RAB44: variants seen among roughly 807,000 people sequenced by gnomAD.
The protein encoded by RAB44 is ras-related protein Rab-44.
In RAB44, 67 loss-of-function variants were observed where a neutral mutation model predicts 93.3. That is an observed-to-expected ratio of 0.72 (90% CI 0.59 to 0.88). The LOEUF is 0.88. Among genes scored for constraint, RAB44 ranks in the 40% least tolerant of loss-of-function variants. RAB44 has a pLI of 0.00. For synonymous variants in RAB44, 427 were observed against 520.3 expected, an observed-to-expected ratio of 0.82 and a Z score of 2.44; for missense variants, 1,064 against 1,261.7, an observed-to-expected ratio of 0.84 and a Z score of 2.37.
chr6:36,713,191 A>T (rs1041380171), intron 2 of RAB44, among the ~76,000 whole-genome samples: 7 of 152,156 alleles, frequency 4.6e-5, no homozygotes, highest in Non-Finnish European at 1.0e-4. Context: ...TAACTCATTG[A>T]CTTTTTTATT....
intron 13 of RAB44, 23 bp downstream of exon 13, chr6:36,730,772 C>G: frequency 9.3e-7 from 1 of 1,072,930 alleles, no homozygotes; most frequent in Non-Finnish European, 1.2e-6. Flanking sequence ...CGCCCCCCGC[C>G]GCCCCCACCC....
intron 1 of RAB44, among the ~76,000 whole-genome samples, chr6:36,701,110 TAG>T (rs1762498532): frequency 6.6e-6 from 1 of 152,190 alleles, no homozygotes. Flanking sequence ...TGCTTTTTAT[TAG>T]AAAGACTTTT....
chr6:36,720,474 G>A lies in RAB44; in HGVS notation c.940G>A (p.Gly314Arg). Residue 314 changes from glycine to arginine, a missense_variant, in exon 8 of 14, where the codon GGG becomes AGG. Transcript: ENST00000612677. ...GGCTGGGCGGCTGGAGGAGGTGCGG[G>A]GGCAGCTGCAGGTGACCAGGGGGCG... ...DLAGRLEEVR[G>R]QLQVTRGRLD... The A allele has an allele frequency of 8.1e-7, 1 of 1,233,148 alleles. No individual in the cohort carries two copies. The highest frequency in any genetic ancestry group is 1.0e-6 in the Non-Finnish European group (1 of 988,390). 76.4% of individuals were successfully genotyped at this position (1,233,148 alleles called of 1,614,324 possible).
Position 36,717,222 on chromosome 6 carries a change from A to G in RAB44, c.495-51A>G. 1.6e-6 allele frequency: 2 copies of G among 1,231,488 alleles called. No homozygotes were observed. Among genetic ancestry groups the G allele is most frequent in the Non-Finnish European group, 2.0e-6 (2 of 987,532 alleles). The allele number at this position is 1,231,488 out of a possible 1,614,324, so 76.3% of individuals were successfully genotyped here. A position where few individuals can be genotyped will look rare whatever the true frequency, so the allele number is the denominator to read the frequency against. ...GGAGTGGGGCTCCCCTTGCTTCTCC[A>G]TCCCACCTTGTGTCTGACCCTCCCA... On this transcript the variant is annotated intron_variant, in intron 4 of 13. Transcript: ENST00000612677. The surrounding 1 kb of genome is among the most constrained non-coding windows in gnomAD (Gnocchi z 4.1).
intron 3 of RAB44, among the ~76,000 whole-genome samples, 188 bp downstream of exon 3, chr6:36,714,127 G>C (rs1300055675): frequency 1.3e-5 from 2 of 152,232 alleles, no homozygotes; most frequent in Non-Finnish European, 2.9e-5. Context: ...AGGCCTCCGG[G>C]CTTGCTTTCT....
chr6:36,711,356 C>T (rs920303107), intron 2 of RAB44, among the ~76,000 whole-genome samples: 2 of 152,160 alleles, frequency 1.3e-5, no homozygotes, highest in South Asian at 4.1e-4. Context: ...CGTTTCTTCA[C>T]AGAAAACAAA....
chr6:36,716,042 C>T (rs1199614330), intron 4 of RAB44, among the ~76,000 whole-genome samples: 2 of 152,224 alleles, frequency 1.3e-5, no homozygotes, highest in African/African-American at 4.8e-5. Flanking sequence ...CCTTTCTTCA[C>T]TCAGTGAAGG....
chr6:36,705,173 G>A (rs181481557), intron 2 of RAB44, among the ~76,000 whole-genome samples: 8 of 151,538 alleles, frequency 5.3e-5, no homozygotes, highest in Admixed American at 1.3e-4. Context: ...TTCAAAGAGC[G>A]TTTGAGAAGC....
At chr6:36,704,518 A>C in intron 2 of RAB44, 76 bp downstream of exon 2, 1 of 1,394,498 alleles carries the variant, frequency 7.2e-7, no homozygotes, top group Non-Finnish European at 9.8e-7. Flanking sequence ...CCATCACAGG[A>C]AGGCAGGGCT....
chr6:36,710,776 A>G (rs545582360), intron 2 of RAB44, among the ~76,000 whole-genome samples: 1 of 152,180 alleles, frequency 6.6e-6, no homozygotes, highest in South Asian at 2.1e-4. Flanking sequence ...GGCATGCACC[A>G]TCACGTGTGG....
chr6:36,707,797 C>G (rs1488983085), intron 2 of RAB44, among the ~76,000 whole-genome samples: 1 of 152,212 alleles, frequency 6.6e-6, no homozygotes, highest in African/African-American at 2.4e-5. Flanking sequence ...AAAGGAGAAA[C>G]ATGTCCAGTA....
At chr6:36,711,488 A>G (rs1762785794) in intron 2 of RAB44, among the ~76,000 whole-genome samples, 1 of 152,210 alleles carries the variant, frequency 6.6e-6, no homozygotes. Context: ...AATTTGTTCA[A>G]AGAATCATGT....
At chr6:36,729,679 C>T (rs530809157) in intron 12 of RAB44, among the ~76,000 whole-genome samples, 187 of 152,210 alleles carry the variant, frequency 1.2e-3, no homozygotes, top group African/African-American at 4.4e-3. Flanking sequence ...GACGGGGTTT[C>T]ACCATGTTGG....
At chr6:36,730,029 C>T (rs1763325496) in intron 12 of RAB44, among the ~76,000 whole-genome samples, 1 of 152,084 alleles carries the variant, frequency 6.6e-6, no homozygotes, top group South Asian at 2.1e-4. Flanking sequence ...ATTAAGAATC[C>T]TGTCTTGGAA....
chr6:36,713,354 C>G (rs1762833304), intron 2 of RAB44, among the ~76,000 whole-genome samples: 1 of 152,146 alleles, frequency 6.6e-6, no homozygotes, highest in Admixed American at 6.6e-5. Context: ...TGCCACCATG[C>G]CTGGCTAATT....
intron 2 of RAB44, among the ~76,000 whole-genome samples, chr6:36,707,734 A>G (rs993496453): frequency 2.6e-5 from 4 of 152,190 alleles, no homozygotes; most frequent in Admixed American, 1.3e-4. Flanking sequence ...TTCTTTGTTG[A>G]AGATGCAGTC....
chr6:36,715,705 G>T, intron 4 of RAB44, 52 bp downstream of exon 4: 11 of 1,518,094 alleles, frequency 7.2e-6, no homozygotes, highest in Non-Finnish European at 9.7e-6. Context: ...GCCATTGACG[G>T]CAGGGGCTTT....
intron 2 of RAB44, among the ~76,000 whole-genome samples, chr6:36,705,395 C>T (rs1054364924): frequency 7.3e-6 from 1 of 136,738 alleles, no homozygotes; most frequent in African/African-American, 2.8e-5. Flanking sequence ...TCCCTCCCTC[C>T]CTCCCTCCCT....
In RAB44 at chr6:36,722,377, G is replaced by T; in HGVS notation, c.2243G>T (p.Arg748Met). 2.2e-6 allele frequency: 3 copies of T among 1,368,526 alleles called. No individual in the cohort carries two copies. The highest frequency in any genetic ancestry group is 2.8e-6 in the Non-Finnish European group (3 of 1,062,586). 84.8% of individuals were successfully genotyped at this position (1,368,526 alleles called of 1,614,324 possible). A position where few individuals can be genotyped will look rare whatever the true frequency, so the allele number is the denominator to read the frequency against. Residue 748 changes from arginine (R) to methionine (M), a missense_variant, in exon 9 of 14, where the codon AGG becomes ATG. Arg to Met is a moderately conservative substitution (Grantham distance 91, BLOSUM62 -1). Transcript: ENST00000612677. ...GCACCTCCAAGGGGCTCTCCTCCCAGGGGGGCTCAGCCTGGGGCTGGAGCA... is the reference window on the plus strand; with the variant it reads ...GCACCTCCAAGGGGCTCTCCTCCCATGGGGGCTCAGCCTGGGGCTGGAGCA... ...KSAPPRGSPP[R>M]GAQPGAGAGP...
Sources: allele counts gnomAD v4.1 joint callset (sites outside exome capture counted in the v4.1 genomes callset), GRCh38; gene constraint gnomAD v4.1.1; non-coding constraint Gnocchi (gnomAD v3.1); transcripts MANE v1.5; gene names NCBI Gene and HGNC (gene_info 2026-07-23, HGNC 2026-07-21).